Variants in SORL1 observed in about 807,000 individuals in gnomAD.
SORL1 encodes the protein sortilin-related receptor.
SORL1 carries 127 observed loss-of-function variants against 273.7 expected under a neutral mutation model. The ratio of observed to expected loss-of-function variants is 0.46; its 90% CI spans 0.40 to 0.54. The LOEUF (loss-of-function observed/expected upper bound fraction) is 0.54, where lower values mean the gene tolerates loss of function less well. Among genes scored for constraint, SORL1 ranks in the 20% least tolerant of loss-of-function variants. The pLI, the probability that SORL1 is intolerant of heterozygous loss-of-function variation, is 0.00. For synonymous variants in SORL1, 1,031 were observed against 1,067.4 expected (o/e 0.97, Z 0.66); for missense variants, 2,494 against 2,846.1 (o/e 0.88, Z 2.81).
At chr11:121,618,516 T>C (rs71486387) in intron 41 of SORL1, among the ~76,000 whole-genome samples, 2 of 152,182 alleles carry the variant, frequency 1.3e-5, no homozygotes, top group Non-Finnish European at 2.9e-5. Context: ...ATTATGTATG[T>C]TTTTCTTCTC....
intron 39 of SORL1, chr11:121,612,505 A>G (rs1358638716): frequency 2.9e-6 from 1 of 344,748 alleles, no homozygotes; most frequent in African/African-American, 2.1e-5. Context: ...TTGAATCTAT[A>G]AATTAAATAT....
At chr11:121,457,908 T>A (rs1186945853) in intron 1 of SORL1, among the ~76,000 whole-genome samples, 8 of 152,380 alleles carry the variant, frequency 5.3e-5, no homozygotes, top group African/African-American at 1.9e-4. Context: ...ACGAGGCAGA[T>A]CCTTATAGCA....
intron 43 of SORL1, among the ~76,000 whole-genome samples, chr11:121,620,403 C>T (rs750980039): frequency 6.6e-6 from 1 of 152,152 alleles, no homozygotes. Flanking sequence ...GTTTCTGACC[C>T]CTCTTTAAAA....
intron 12 of SORL1, among the ~76,000 whole-genome samples, chr11:121,534,920 A>G (rs1359260379): frequency 2.6e-5 from 4 of 152,184 alleles, no homozygotes; most frequent in Non-Finnish European, 5.9e-5. Flanking sequence ...GGCATTGATC[A>G]TATTCTGACT....
At chr11:121,548,588 A>G (rs1022499935) in intron 14 of SORL1, among the ~76,000 whole-genome samples, 3 of 152,122 alleles carry the variant, frequency 2.0e-5, no homozygotes, top group South Asian at 4.1e-4. Flanking sequence ...TTTTTCTGAG[A>G]CAGAGTCTCA....
intron 41 of SORL1, among the ~76,000 whole-genome samples, chr11:121,617,439 A>G (rs558473247): frequency 7.2e-5 from 11 of 152,342 alleles, no homozygotes; most frequent in African/African-American, 2.6e-4. Context: ...ATGAGAATTT[A>G]TGGTTTGTAG....
chr11:121,593,459 T>G lies in SORL1; in HGVS notation c.4370-2164T>G, dbSNP rs545011113. Among the ~76,000 whole-genome samples the G allele has an allele frequency of 2.0e-5, 3 of 152,376 alleles. No homozygotes were observed. The South Asian group carries it at 6.2e-4, about 32-fold the overall frequency. The stretch of plus-strand genomic sequence containing the variant: ...CAGTTTTTCTCTTGGAGATACTCCT[T>G]CTAACAACGTGGATTCTCCTTTCGG... On this transcript the variant is annotated intron_variant, in intron 31 of 47. Transcript: ENST00000260197.
At chr11:121,583,175 A>G (rs1863036766) in intron 25 of SORL1, among the ~76,000 whole-genome samples, 1 of 152,142 alleles carries the variant, frequency 6.6e-6, no homozygotes, top group South Asian at 2.1e-4. Flanking sequence ...AATAATCCTT[A>G]CCTTGTAGGT....
Position 121,627,736 on chromosome 11 carries a change from G to T in SORL1, c.6546G>T (p.Gly2182=). Residue 2182 remains glycine (G), a synonymous_variant, in exon 47 of 48, where the codon GGG becomes GGT. Coordinates refer to ENST00000260197, the MANE Select transcript of SORL1 (RefSeq NM_003105.6). This position sits in a 1 kb window ranked among gnomAD's most constrained non-coding sequence, Gnocchi z 4.9. ...ACAGCCACTACAGCTCCAGGCTGGG[G>T]TCCGCAATCTTCTCCTCTGGGGATG... ...FANSHYSSRL[G]SAIFSSGDDL... is the part of the protein sequence containing the mutation. 6.2e-7 allele frequency: 1 copy of T among 1,614,040 alleles called. No homozygotes were observed. Among genetic ancestry groups the T allele is most frequent in the Non-Finnish European group, 8.5e-7 (1 of 1,179,994 alleles).
intron 35 of SORL1, among the ~76,000 whole-genome samples, chr11:121,606,428 T>G (rs1863474093): frequency 6.6e-6 from 1 of 152,226 alleles, no homozygotes. Context: ...ATATAGAAAT[T>G]CTGTGATGTT....
chr11:121,551,865 A>G (rs1862512223), intron 16 of SORL1, among the ~76,000 whole-genome samples: 1 of 152,262 alleles, frequency 6.6e-6, no homozygotes, highest in Admixed American at 6.5e-5. Flanking sequence ...AAATTCCAAC[A>G]AATGAGCAGA....
chr11:121,473,498 TC>T (rs1215366308), intron 2 of SORL1, among the ~76,000 whole-genome samples: 7 of 152,244 alleles, frequency 4.6e-5, no homozygotes, highest in Non-Finnish European at 1.0e-4. Context: ...TTGTTTCTGC[TC>T]TCTCATGATG....
At chr11:121,592,991 A>G (rs1256730861) in intron 31 of SORL1, among the ~76,000 whole-genome samples, 1 of 152,194 alleles carries the variant, frequency 6.6e-6, no homozygotes, top group African/African-American at 2.4e-5. Context: ...ACTCATTGTT[A>G]TCTGTAGCTC....
intron 11 of SORL1, among the ~76,000 whole-genome samples, chr11:121,527,771 A>G (rs1161430331): frequency 6.6e-6 from 1 of 152,164 alleles, no homozygotes; most frequent in Non-Finnish European, 1.5e-5. Context: ...TATGTTATCA[A>G]TGATATATTC....
At position 121,508,130 on chromosome 11, in the gene SORL1, T is replaced by C. The variant is rs77183479; in HGVS notation, c.940-4873T>C. Among the ~76,000 whole-genome samples the C allele has an allele frequency of 9.2e-3, 1,408 of 152,330 alleles. 7 individuals are homozygous for C. The highest frequency in any genetic ancestry group is 0.014 in the Non-Finnish European group (978 of 68,026). On this transcript the variant is annotated intron_variant, in intron 6 of 47. Transcript: ENST00000260197. ...AGTCTCTCAGCCTTTGCTAATGGCC[T>C]CTGGGTGTGTGTTAGGGTATACCTT...
At chr11:121,483,614 C>T (rs1356629795) in intron 3 of SORL1, among the ~76,000 whole-genome samples, 1 of 152,168 alleles carries the variant, frequency 6.6e-6, no homozygotes, top group African/African-American at 2.4e-5. Context: ...GATTGGGGTA[C>T]ACAAAGGCAC....
At chr11:121,462,329 G>T (rs1456092538) in intron 1 of SORL1, among the ~76,000 whole-genome samples, 1 of 151,982 alleles carries the variant, frequency 6.6e-6, no homozygotes, top group South Asian at 2.1e-4. Flanking sequence ...CTTCTGCTCT[G>T]CCCTGCCTTA....
chr11:121,599,356 C>T (rs1863351661), intron 32 of SORL1, among the ~76,000 whole-genome samples: 1 of 152,156 alleles, frequency 6.6e-6, no homozygotes, highest in Admixed American at 6.5e-5. Context: ...ACCAGCCTGA[C>T]CAATATGGAG....
intron 3 of SORL1, among the ~76,000 whole-genome samples, chr11:121,486,631 C>G (rs1303221169): frequency 2.6e-5 from 4 of 152,052 alleles, no homozygotes; most frequent in African/African-American, 9.7e-5. Flanking sequence ...AGGCCCCCAC[C>G]ACCATGCCCG....
Sources: gnomAD v4.1 joint callset for allele counts (sites outside exome capture counted in the v4.1 genomes callset) on GRCh38, gnomAD v4.1.1 for gene constraint, Gnocchi (gnomAD v3.1) non-coding constraint, MANE v1.5 for transcripts, NCBI Gene and HGNC (gene_info 2026-07-23, HGNC 2026-07-21) for gene names.